The following BCO1 variants were observed in gnomAD, a reference collection of about 807,000 sequenced individuals.
The protein encoded by BCO1 is beta-carotene oxygenase 1.
A neutral mutation model predicts 56.3 loss-of-function variants in BCO1; 54 were observed. The observed-to-expected ratio is 0.96, with a 90% CI of 0.77 to 1.20. The LOEUF is 1.20. Ranked by LOEUF, BCO1 falls within the 50% of genes most tolerant of loss-of-function variation. BCO1 has a pLI of 0.00. For synonymous variants in BCO1, 318 were observed against 266.1 expected, an observed-to-expected ratio of 1.20 and a Z score of -1.90; for missense variants, 801 against 690.9, an observed-to-expected ratio of 1.16 and a Z score of -1.79.
intron 7 of BCO1, among the ~76,000 whole-genome samples, chr16:81,275,400 G>C (rs1268106196): frequency 2.6e-5 from 4 of 152,252 alleles, no homozygotes; most frequent in African/African-American, 7.2e-5. Flanking sequence ...TGATTCTGCA[G>C]TGCAGCCGTG....
rs71736382 is a variant in BCO1 at position 81,263,108 on chromosome 16, CT to C, written c.471+845del. The C allele has an allele frequency of 7.4e-3, 949 of 127,744 alleles. 3 individuals are homozygous for C. Among genetic ancestry groups the C allele is most frequent in the African/African-American group, 0.021 (701 of 33,134 alleles). The allele number at this position is 127,744 out of a possible 1,614,324, so 7.9% of individuals were successfully genotyped here. A position where few individuals can be genotyped will look rare whatever the true frequency, so the allele number is the denominator to read the frequency against. On this transcript the variant is annotated intron_variant, in intron 4 of 10. Coordinates refer to ENST00000258168, the MANE Select transcript of BCO1 (RefSeq NM_017429.3). ...GGGGCTATGTGTCCAAATGTTCTGC[CT>C]TTTTTTTTTTTTTTTTTTTGAAAAA...
chr16:81,263,721 G>A (rs970179650), intron 4 of BCO1: 11 of 152,212 alleles, frequency 7.2e-5, no homozygotes, highest in Admixed American at 2.6e-4. Context: ...CAGTGCCCAA[G>A]CACATACCTT....
intron 7 of BCO1, among the ~76,000 whole-genome samples, chr16:81,273,639 CT>C (rs59815701): frequency 4.6e-4 from 68 of 146,264 alleles, no homozygotes; most frequent in Admixed American, 9.6e-4. Context: ...TTTAAAAATC[CT>C]TTTTTTTTTT....
intron 1 of BCO1, among the ~76,000 whole-genome samples, chr16:81,240,629 C>A (rs542836088): frequency 1.1e-4 from 17 of 151,844 alleles, no homozygotes; most frequent in African/African-American, 4.1e-4. Context: ...TGCTTGAACC[C>A]CGGAGGCAGA....
At chr16:81,257,328 G>A (rs971284616) in intron 2 of BCO1, among the ~76,000 whole-genome samples, 4 of 152,144 alleles carry the variant, frequency 2.6e-5, no homozygotes, top group South Asian at 2.1e-4. Context: ...GCAGTGGCGC[G>A]ATCTCGGCTC....
intron 1 of BCO1, among the ~76,000 whole-genome samples, chr16:81,242,531 A>G (rs1186027259): frequency 6.6e-6 from 1 of 152,054 alleles, no homozygotes; most frequent in Non-Finnish European, 1.5e-5. Flanking sequence ...TCCACTGCAC[A>G]TCCCCCTGTA....
At chr16:81,248,151 C>T (rs557737437) in intron 2 of BCO1, among the ~76,000 whole-genome samples, 2 of 152,218 alleles carry the variant, frequency 1.3e-5, no homozygotes, top group South Asian at 2.1e-4. Context: ...CCTGTATTCC[C>T]AGCACTTTGG....
intron 7 of BCO1, among the ~76,000 whole-genome samples, chr16:81,278,115 C>T (rs1597371886): frequency 6.6e-6 from 1 of 152,132 alleles, no homozygotes; most frequent in Non-Finnish European, 1.5e-5. Context: ...GATCTCGGCT[C>T]ATTGCAACCT....
intron 2 of BCO1, among the ~76,000 whole-genome samples, chr16:81,253,734 C>T (rs867200132): frequency 2.6e-5 from 4 of 152,074 alleles, no homozygotes; most frequent in African/African-American, 7.2e-5. Flanking sequence ...GATGCCAAGG[C>T]GGGAGGATCG....
chr16:81,274,208 G>A (rs112624682), intron 7 of BCO1, among the ~76,000 whole-genome samples: 2 of 150,870 alleles, frequency 1.3e-5, no homozygotes, highest in Admixed American at 1.3e-4. Context: ...TGTCATGCTC[G>A]AGAATGCTTT....
chr16:81,289,539 G>T (rs532228763), intron 10 of BCO1, among the ~76,000 whole-genome samples: 1 of 152,256 alleles, frequency 6.6e-6, no homozygotes, highest in South Asian at 2.1e-4. Context: ...TACTTGGAGG[G>T]CTGAAGTGGG....
intron 1 of BCO1, 23 bp downstream of exon 1, chr16:81,238,995 G>A (rs1187611712): frequency 6.2e-7 from 1 of 1,604,284 alleles, no homozygotes; most frequent in Non-Finnish European, 8.5e-7. Flanking sequence ...ATAAACACTG[G>A]GCTCTTTCTT....
chr16:81,255,029 C>G (rs1260379977), intron 2 of BCO1, among the ~76,000 whole-genome samples: 1 of 152,164 alleles, frequency 6.6e-6, no homozygotes, highest in Admixed American at 6.5e-5. Context: ...GCGATCCTCC[C>G]CTCTGGGCCT....
At chr16:81,290,153 G>A (rs1224865280) in intron 10 of BCO1, among the ~76,000 whole-genome samples, 195 bp from the exon 11 acceptor site, 9 of 152,140 alleles carry the variant, frequency 5.9e-5, no homozygotes, top group Non-Finnish European at 1.2e-4. Context: ...GTGAGCCACC[G>A]CGCCCGGCCT....
chr16:81,283,735 T>C (rs1446140435), intron 8 of BCO1, among the ~76,000 whole-genome samples: 1 of 152,150 alleles, frequency 6.6e-6, no homozygotes, highest in Non-Finnish European at 1.5e-5. Context: ...CTAATCAGCA[T>C]TTATCCATGG....
chr16:81,259,963 T>C (rs1906383923), intron 3 of BCO1, among the ~76,000 whole-genome samples, 158 bp downstream of exon 3: 1 of 152,220 alleles, frequency 6.6e-6, no homozygotes, highest in Non-Finnish European at 1.5e-5. Flanking sequence ...TCTTGATCAC[T>C]GATTGCCAGA....
chr16:81,270,545 A>G (rs1396390321), intron 7 of BCO1, 129 bp downstream of exon 7: 4 of 1,304,332 alleles, frequency 3.1e-6, no homozygotes, highest in Admixed American at 2.3e-5. Context: ...AAAAGTTTTC[A>G]TTGTTTTTCC....
intron 9 of BCO1, among the ~76,000 whole-genome samples, chr16:81,286,015 CT>C (rs1908160356): frequency 6.6e-6 from 1 of 151,068 alleles, no homozygotes; most frequent in Non-Finnish European, 1.5e-5. Flanking sequence ...ATTTATTTTG[CT>C]TCTTTTTTTG....
intron 7 of BCO1, among the ~76,000 whole-genome samples, chr16:81,276,672 C>A (rs556227216): frequency 4.9e-4 from 74 of 152,304 alleles, no homozygotes; most frequent in African/African-American, 1.6e-3. Flanking sequence ...TTCTGTCTGT[C>A]CAACACAGTA....
Sources: gnomAD v4.1 joint callset for allele counts (sites outside exome capture counted in the v4.1 genomes callset) on GRCh38, gnomAD v4.1.1 for gene constraint, MANE v1.5 for transcripts, NCBI Gene and HGNC (gene_info 2026-07-23, HGNC 2026-07-21) for gene names.